DMD: variants seen among roughly 807,000 people sequenced by gnomAD.
DMD encodes the protein dystrophin.
Under a neutral mutation model 330.1 loss-of-function variants are expected in DMD, and 63 were observed. The ratio of observed to expected loss-of-function variants is 0.19; its 90% CI spans 0.16 to 0.24. DMD has a LOEUF of 0.24. Among genes scored for constraint, DMD ranks in the 10% least tolerant of loss-of-function variants. DMD has a pLI of 1.00. For synonymous variants in DMD, 1,223 were observed against 959.8 expected (o/e 1.27, Z -5.07); for missense variants, 3,344 against 2,684.1 (o/e 1.25, Z -5.43).
At chrX:32,958,213 T>C (rs754351790) in intron 2 of DMD, among the ~76,000 whole-genome samples, 2 of 111,597 alleles carry the variant, frequency 1.8e-5, no homozygotes, top group Non-Finnish European at 3.8e-5. Flanking sequence ...TTATGGTATA[T>C]GGTTATGTTA....
At chrX:33,304,992 T>A (rs1450653235) in intron 1 of DMD, among the ~76,000 whole-genome samples, 14 of 108,918 alleles carry the variant, frequency 1.3e-4, no homozygotes, top group Non-Finnish European at 1.7e-4. Context: ...GTTCAACCAT[T>A]GTGGAAGTCA....
intron 7 of DMD, among the ~76,000 whole-genome samples, chrX:32,731,165 A>T (rs557057651): frequency 8.9e-6 from 1 of 112,169 alleles, no homozygotes; most frequent in African/African-American, 3.2e-5. Context: ...GCACCTGGAA[A>T]ATCGGGTCAC....
At chrX:32,831,698 G>GTGT (rs1322999261) in intron 4 of DMD, among the ~76,000 whole-genome samples, 1 of 96,638 alleles carries the variant, frequency 1.0e-5, no homozygotes, top group African/African-American at 3.8e-5. Flanking sequence ...GTGTGTGTGT[G>GTGT]ATGTGTGGTT....
At chrX:31,415,036 C>G (rs932270164) in intron 60 of DMD, among the ~76,000 whole-genome samples, 1 of 112,105 alleles carries the variant, frequency 8.9e-6, no homozygotes. Context: ...AATAAGCATT[C>G]CTTAATAGCG....
At chrX:32,054,937 C>A (rs62589979) in intron 44 of DMD, among the ~76,000 whole-genome samples, 10,310 of 107,177 alleles carry the variant, frequency 0.096, 528 homozygotes, top group Admixed American at 0.16. Flanking sequence ...ACCAGAGATA[C>A]AAGGATGCAA....
intron 1 of DMD, among the ~76,000 whole-genome samples, chrX:33,058,158 G>A (rs1262897656): frequency 8.9e-6 from 1 of 112,361 alleles, no homozygotes; most frequent in African/African-American, 3.2e-5. Context: ...AGGATTACAG[G>A]CGTGAGCCAC....
Position 31,351,725 on chromosome X carries a change from C to CAAAAAAAAAAAAAAAAAAAAAAAAAAA in DMD, c.9085-3092_9085-3091insTTTTTTTTTTTTTTTTTTTTTTTTTTT, listed in dbSNP as rs3061693. On this transcript the variant is annotated intron_variant, in intron 60 of 78. Transcript: ENST00000357033. Reference sequence around the variant, plus strand: ...TAGGTAACAGAACAAGACTCCATCTCAAAAAAAAAAAAAAAAAAAGCAAAA... The same window carrying CAAAAAAAAAAAAAAAAAAAAAAAAAAA: ...TAGGTAACAGAACAAGACTCCATCTCAAAAAAAAAAAAAAAAAAAAAAAAAAAAAAAAAAAAAAAAAAAAAAGCAAAA... Among the ~76,000 whole-genome samples the CAAAAAAAAAAAAAAAAAAAAAAAAAAA allele has an allele frequency of 3.0e-4, 16 of 53,025 alleles. 1 individual carries two copies. The highest frequency in any genetic ancestry group is 1.3e-3 in the African/African-American group (15 of 11,710). 46.0% of individuals were successfully genotyped at this position (53,025 alleles called of 115,157 possible).
At chrX:33,061,441 T>A (rs751123990) in intron 1 of DMD, among the ~76,000 whole-genome samples, 1 of 111,724 alleles carries the variant, frequency 9.0e-6, no homozygotes, top group Non-Finnish European at 1.9e-5. Context: ...ATACTGCAGG[T>A]GTAACTCCTG....
intron 2 of DMD, among the ~76,000 whole-genome samples, chrX:32,949,338 GTAGGTAGATAGATAGA>G (rs2091053089): frequency 2.5e-5 from 2 of 80,923 alleles, no homozygotes; most frequent in African/African-American, 9.5e-5. Context: ...AGGTAGGTAG[GTAGGTAGATAGATAGA>G]TAGATAGATA....
rs73468334 is a variant in DMD at position 31,385,168 on chromosome X, T to C, written c.9085-36534A>G. Among the ~76,000 whole-genome samples, 755 of 112,080 alleles carry C rather than the reference T, an allele frequency of 6.7e-3. 5 individuals are homozygous for C. Among genetic ancestry groups the C allele is most frequent in the East Asian group, 0.029 (104 of 3,562 alleles). ...GAGAGTTAATTCACCTCAGGACCAA[T>C]TTCTCCTCTGCTGGTACATCTACTA... On this transcript the variant is annotated intron_variant, in intron 60 of 78. Coordinates refer to ENST00000357033, the MANE Select transcript of DMD (RefSeq NM_004006.3).
intron 39 of DMD, 89 bp from the exon 40 acceptor site, chrX:32,343,375 C>A: frequency 1.2e-6 from 1 of 869,526 alleles, no homozygotes; most frequent in South Asian, 2.3e-5. Context: ...ATTTGCGTCC[C>A]TCATCTTTTT....
At chrX:31,529,608 TTCACTGCACGCAGTGAATTGA>T (rs1281064086) in intron 55 of DMD, among the ~76,000 whole-genome samples, 40 of 110,651 alleles carry the variant, frequency 3.6e-4, no homozygotes, top group Admixed American at 8.7e-4. Context: ...CTGCCTGGGG[TTCACTGCACGCAGTGAATTGA>T]TCACTGCACC....
intron 9 of DMD, among the ~76,000 whole-genome samples, chrX:32,653,015 T>C (rs1602557628): frequency 1.8e-5 from 2 of 112,139 alleles, no homozygotes; most frequent in East Asian, 5.6e-4. Context: ...GGTTGTTTTT[T>C]TCTTGTAAAT....
At chrX:32,923,565 A>C (rs1162295609) in intron 2 of DMD, among the ~76,000 whole-genome samples, 1 of 110,833 alleles carries the variant, frequency 9.0e-6, no homozygotes, top group Non-Finnish European at 1.9e-5. Context: ...TTAAAAAAAA[A>C]ACAAAAACAA....
chrX:32,369,295 G>A (rs1421062260), intron 34 of DMD, among the ~76,000 whole-genome samples: 1 of 111,394 alleles, frequency 9.0e-6, no homozygotes, highest in African/African-American at 3.3e-5. Flanking sequence ...TGAGTATAAT[G>A]AGTTAATTTC....
intron 7 of DMD, among the ~76,000 whole-genome samples, chrX:32,751,497 G>A (rs1350235142): frequency 3.6e-5 from 4 of 111,769 alleles, no homozygotes; most frequent in East Asian, 2.8e-4. Context: ...CAAAGCATTC[G>A]TGAGGTGACT....
At chrX:32,686,131 C>A (rs919389986) in intron 9 of DMD, among the ~76,000 whole-genome samples, 2 of 111,300 alleles carry the variant, frequency 1.8e-5, no homozygotes, top group Non-Finnish European at 3.8e-5. Flanking sequence ...GTTGATTAAC[C>A]AAGCATTATT....
intron 2 of DMD, among the ~76,000 whole-genome samples, chrX:32,983,835 T>A (rs1372348190): frequency 9.0e-6 from 1 of 111,274 alleles, no homozygotes; most frequent in East Asian, 2.8e-4. Context: ...ATTGATTTTA[T>A]TCACTATATA....
At chrX:33,146,800 T>G (rs765858050) in intron 1 of DMD, among the ~76,000 whole-genome samples, 6 of 111,457 alleles carry the variant, frequency 5.4e-5, no homozygotes, top group Non-Finnish European at 1.1e-4. Flanking sequence ...AGAGTTAGTA[T>G]TTTGTTGAAG....
Sources: gnomAD v4.1 joint callset for allele counts (sites outside exome capture counted in the v4.1 genomes callset) on GRCh38, gnomAD v4.1.1 for gene constraint, MANE v1.5 for transcripts, NCBI Gene and HGNC (gene_info 2026-07-23, HGNC 2026-07-21) for gene names.